Variants in CTNNBIP1 observed in about 807,000 individuals in gnomAD.
The protein encoded by CTNNBIP1 is beta-catenin-interacting protein 1.
CTNNBIP1 carries 7 observed loss-of-function variants against 11.8 expected under a neutral mutation model. The observed-to-expected ratio is 0.60, with a 90% CI of 0.34 to 1.12. CTNNBIP1 has a LOEUF of 1.12. CTNNBIP1 is among the 50% of genes most tolerant of loss of function. The probability of loss-of-function intolerance (pLI) is 0.03; values close to 1 mark genes in which losing one functional copy is unlikely to be tolerated. For synonymous variants in CTNNBIP1, 58 were observed against 43.9 expected, an observed-to-expected ratio of 1.32 and a Z score of -1.26; for missense variants, 101 against 113.4, an observed-to-expected ratio of 0.89 and a Z score of 0.50.
chr1:9,887,226 C>A (rs1322667196), intron 1 of CTNNBIP1, among the ~76,000 whole-genome samples: 1 of 152,214 alleles, frequency 6.6e-6, no homozygotes, highest in African/African-American at 2.4e-5. Context: ...TCAGTCAGCC[C>A]TCACAAGCCT....
rs181224085 is a variant in CTNNBIP1 at position 9,895,100 on chromosome 1, G to A, written c.-143-11362C>T. 2.6e-3 allele frequency among the ~76,000 whole-genome samples: 392 copies of A among 151,252 alleles called. 4 individuals carry two copies. The highest frequency in any genetic ancestry group is 8.5e-3 in the African/African-American group (352 of 41,192). The stretch of plus-strand genomic sequence containing the variant: ...TTTTTTGTATTTTTAGTAGAGACAG[G>A]GTTTCACCGTGTTAGCCAAGATGGT... On this transcript the variant is annotated intron_variant, in intron 1 of 5. Coordinates refer to ENST00000377263, the MANE Select transcript of CTNNBIP1 (RefSeq NM_020248.3).
chr1:9,903,188 G>C (rs904838173), intron 1 of CTNNBIP1, among the ~76,000 whole-genome samples: 3 of 152,112 alleles, frequency 2.0e-5, no homozygotes, highest in East Asian at 3.9e-4. Flanking sequence ...AAGGAAGGAG[G>C]GGAGGGAGGG....
intron 1 of CTNNBIP1, among the ~76,000 whole-genome samples, chr1:9,892,361 G>A (rs1249048605): frequency 6.6e-6 from 1 of 151,730 alleles, no homozygotes. Flanking sequence ...GGCAGAGCTT[G>A]GAGTGAGCCG....
In CTNNBIP1 at chr1:9,872,151, C is replaced by T; in HGVS notation, c.-24-63G>A. The T allele has an allele frequency of 1.0e-6, 1 of 992,168 alleles. No individual in the cohort carries two copies. The highest frequency in any genetic ancestry group is 1.6e-6 in the Non-Finnish European group (1 of 630,548). 61.5% of individuals were successfully genotyped at this position (992,168 alleles called of 1,614,324 possible). On this transcript the variant is annotated intron_variant, in intron 3 of 5. Coordinates refer to ENST00000377263, the MANE Select transcript of CTNNBIP1 (RefSeq NM_020248.3). The surrounding 1 kb of genome is among the most constrained non-coding windows in gnomAD (Gnocchi z 4.0). ...AGGATGTGACATACTGGGACAATGA[C>T]ACCTGCTAGTGACCCTCACTCCTCC... is the stretch of plus-strand genomic sequence containing the variant.
intron 1 of CTNNBIP1, among the ~76,000 whole-genome samples, chr1:9,884,587 T>C (rs1639148176): frequency 6.6e-6 from 1 of 152,024 alleles, no homozygotes; most frequent in Admixed American, 6.5e-5. Flanking sequence ...CAAGGAACCC[T>C]GAGGAAGAGG....
In CTNNBIP1 at chr1:9,867,620, T is replaced by C. The variant is rs2101470529; in HGVS notation, c.187+3567A>G. Among the ~76,000 whole-genome samples, 1 of 152,258 alleles carries C rather than the reference T, an allele frequency of 6.6e-6. No individual in the cohort carries two copies. The highest frequency in any genetic ancestry group is 2.1e-4 in the South Asian group (1 of 4,824). ...AGCCTCCTCTGGCTCAGGGAACACC[T>C]AAAGCAGCCTGGAGCATTTGCTGAG... On this transcript the variant is annotated intron_variant, in intron 5 of 5. Transcript: ENST00000377263. This position sits in a 1 kb window ranked among gnomAD's most constrained non-coding sequence, Gnocchi z 4.6.
chr1:9,855,348 AAAG>A (rs1018484062), intron 5 of CTNNBIP1, among the ~76,000 whole-genome samples: 8 of 151,916 alleles, frequency 5.3e-5, no homozygotes, highest in African/African-American at 1.5e-4. Context: ...CCACCTTGAA[AAAG>A]AAGAAGTTGG....
intron 5 of CTNNBIP1, among the ~76,000 whole-genome samples, chr1:9,861,060 AATGCG>A (rs746876741): frequency 6.6e-6 from 1 of 152,168 alleles, no homozygotes; most frequent in Non-Finnish European, 1.5e-5. Flanking sequence ...CTGGAGAGGG[AATGCG>A]ACCACATGCT....
rs74475750 is a variant in CTNNBIP1 at position 9,856,302 on chromosome 1, C to T, written c.188-5526G>A. Among the ~76,000 whole-genome samples the T allele has an allele frequency of 5.6e-3, 844 of 151,904 alleles. 14 individuals carry two copies. The highest frequency in any genetic ancestry group is 0.02 in the African/African-American group (812 of 41,404). ...CTGGGATTACAGGAATGAGCCTCCA[C>T]GCCTGGCAGGAAATGGTTTCTTAGT... On this transcript the variant is annotated intron_variant, in intron 5 of 5. Coordinates refer to ENST00000377263, the MANE Select transcript of CTNNBIP1 (RefSeq NM_020248.3).
intron 5 of CTNNBIP1, among the ~76,000 whole-genome samples, chr1:9,856,574 G>A (rs908199920): frequency 1.1e-4 from 17 of 149,236 alleles, no homozygotes; most frequent in Admixed American, 2.7e-4. Flanking sequence ...GTGCAGTGGC[G>A]TGATCTCAAT....
chr1:9,851,650 CAGG>C lies in CTNNBIP1; in HGVS notation c.188-877_188-875del, dbSNP rs1345050360. Among the ~76,000 whole-genome samples, 3 of 152,200 alleles carry C rather than the reference CAGG, an allele frequency of 2.0e-5. No individual in the cohort carries two copies. The highest frequency in any genetic ancestry group is 4.4e-5 in the Non-Finnish European group (3 of 68,046). On this transcript the variant is annotated intron_variant, in intron 5 of 5. Coordinates refer to ENST00000377263, the MANE Select transcript of CTNNBIP1 (RefSeq NM_020248.3). This position sits in a 1 kb window ranked among gnomAD's most constrained non-coding sequence, Gnocchi z 4.8. ...CCTCCCAAAGTGCTGGGATTATAGG[CAGG>C]AGCCACCGTGCCCAGCCAATCCTTC... is the stretch of plus-strand genomic sequence containing the variant.
At chr1:9,904,940 G>A (rs1170059556) in intron 1 of CTNNBIP1, among the ~76,000 whole-genome samples, 1 of 152,194 alleles carries the variant, frequency 6.6e-6, no homozygotes, top group Non-Finnish European at 1.5e-5. Context: ...CACATACCAG[G>A]ACTGTCATCA....
intron 1 of CTNNBIP1, among the ~76,000 whole-genome samples, chr1:9,897,192 G>A (rs891079650): frequency 1.3e-5 from 2 of 151,500 alleles, no homozygotes; most frequent in Non-Finnish European, 2.9e-5. Flanking sequence ...CGGTGGCTCA[G>A]GCCTGTAATC....
chr1:9,863,456 G>C (rs1350479873), intron 5 of CTNNBIP1, among the ~76,000 whole-genome samples: 2 of 152,224 alleles, frequency 1.3e-5, no homozygotes, highest in Non-Finnish European at 2.9e-5. Context: ...CATGCGGGGA[G>C]AGAGGGGACC....
At chr1:9,855,682 G>A (rs931076140) in intron 5 of CTNNBIP1, among the ~76,000 whole-genome samples, 5 of 146,798 alleles carry the variant, frequency 3.4e-5, no homozygotes, top group East Asian at 2.0e-4. Context: ...AATCTTGGAA[G>A]AAAATATAGA....
chr1:9,852,586 A>C (rs1218351052), intron 5 of CTNNBIP1, among the ~76,000 whole-genome samples: 5 of 152,336 alleles, frequency 3.3e-5, no homozygotes, highest in Admixed American at 3.3e-4. Flanking sequence ...TTTTCCTAGC[A>C]ACCACAGAAT....
At chr1:9,908,130 C>T (rs147760460) in intron 1 of CTNNBIP1, among the ~76,000 whole-genome samples, 2,902 of 152,324 alleles carry the variant, frequency 0.019, 45 homozygotes, top group Non-Finnish European at 0.03. Flanking sequence ...GCAATCTCGG[C>T]TCACCGCAAC....
At chr1:9,864,239 G>A (rs1406538813) in intron 5 of CTNNBIP1, among the ~76,000 whole-genome samples, 1 of 152,250 alleles carries the variant, frequency 6.6e-6, no homozygotes, top group East Asian at 1.9e-4. Flanking sequence ...GGCCCCAGGA[G>A]GCCCCCAGGC....
chr1:9,856,534 A>AG (rs1292884134), intron 5 of CTNNBIP1, among the ~76,000 whole-genome samples: 1 of 136,940 alleles, frequency 7.3e-6, no homozygotes, highest in Non-Finnish European at 1.5e-5. Context: ...TTTTTTTGAG[A>AG]GGGAGTCTCG....
Sources: allele counts gnomAD v4.1 joint callset (sites outside exome capture counted in the v4.1 genomes callset), GRCh38; gene constraint gnomAD v4.1.1; non-coding constraint Gnocchi (gnomAD v3.1); transcripts MANE v1.5; gene names NCBI Gene and HGNC (gene_info 2026-07-23, HGNC 2026-07-21).